WDFY4: variants seen among roughly 807,000 people sequenced by gnomAD.
WDFY4 encodes the protein WDFY family member 4, also known as WD repeat- and FYVE domain-containing protein 4.
WDFY4 carries 169 observed loss-of-function variants against 351.9 expected under a neutral mutation model. That is an observed-to-expected ratio of 0.48 (90% CI 0.42 to 0.55). The LOEUF (loss-of-function observed/expected upper bound fraction) is 0.55. WDFY4 is among the 20% of genes least tolerant of loss of function. The pLI, the probability that WDFY4 is intolerant of heterozygous loss-of-function variation, is 0.00. For synonymous variants in WDFY4, 1,622 were observed against 1,574.6 expected, an observed-to-expected ratio of 1.03 and a Z score of -0.71; for missense variants, 3,803 against 3,935.6, an observed-to-expected ratio of 0.97 and a Z score of 0.90.
At chr10:48,846,634 G>T (rs527952816) in intron 39 of WDFY4, among the ~76,000 whole-genome samples, 1 of 152,364 alleles carries the variant, frequency 6.6e-6, no homozygotes. Flanking sequence ...CTAAAGGAGG[G>T]AGAAATGTTG....
intron 1 of WDFY4, among the ~76,000 whole-genome samples, chr10:48,700,329 C>T (rs1384364000): frequency 1.3e-5 from 2 of 152,238 alleles, no homozygotes; most frequent in African/African-American, 4.8e-5. Flanking sequence ...CCCTTTACCA[C>T]ATCCTGCAGG....
intron 39 of WDFY4, among the ~76,000 whole-genome samples, chr10:48,839,082 A>G (rs1222700262): frequency 6.6e-6 from 1 of 152,226 alleles, no homozygotes; most frequent in Admixed American, 6.5e-5. Flanking sequence ...GGAGCTGAGC[A>G]GCACTCCAGG....
intron 39 of WDFY4, among the ~76,000 whole-genome samples, chr10:48,845,392 T>G (rs551902598): frequency 6.6e-6 from 1 of 152,242 alleles, no homozygotes; most frequent in South Asian, 2.1e-4. Context: ...GGAATACTGA[T>G]GAAAAAGGGC....
At chr10:48,915,836 C>G (rs1270825830) in intron 47 of WDFY4, among the ~76,000 whole-genome samples, 2 of 152,138 alleles carry the variant, frequency 1.3e-5, no homozygotes, top group East Asian at 3.9e-4. Flanking sequence ...TTTACACAGG[C>G]CTTGTAAGCT....
In WDFY4 at chr10:48,771,655, G is replaced by A. The variant is rs761808922; in HGVS notation, c.2554-2803G>A. On this transcript the variant is annotated intron_variant, in intron 13 of 61. Transcript: ENST00000325239. ...AGAGGCTGCAGGGACCACCCCATCT[G>A]CTGTGCTCGATGTTGTAAATTCTCT... Among the ~76,000 whole-genome samples the A allele has an allele frequency of 8.5e-5, 13 of 152,194 alleles. 1 individual carries two copies. The highest frequency in any genetic ancestry group is 1.4e-4 in the African/African-American group (6 of 41,436).
At chr10:48,953,793 C>T (rs1841458293) in intron 51 of WDFY4, among the ~76,000 whole-genome samples, 3 of 152,192 alleles carry the variant, frequency 2.0e-5, no homozygotes, top group Admixed American at 2.0e-4. Flanking sequence ...TCAGCATGTG[C>T]AGTTACTGAA....
chr10:48,830,789 G>C lies in WDFY4; in HGVS notation c.6430G>C (p.Asp2144His), dbSNP rs200617140. 2 of 1,551,658 alleles carry C rather than the reference G, an allele frequency of 1.3e-6. No homozygotes were observed. Among genetic ancestry groups the C allele is most frequent in the Non-Finnish European group, 1.7e-6 (2 of 1,146,948 alleles). Residue 2144 changes from aspartate (D) to histidine (H), a missense_variant, in exon 38 of 62, where the codon GAT (aspartate) becomes CAT (histidine). By Grantham distance (81) the Asp-to-His change is moderately conservative (BLOSUM62 -1). This residue lies in a region of WDFY4 where 3,054 missense variants were observed against 3,148.6 expected (regional missense o/e 0.97). Transcript: ENST00000325239. ...GACCCTGGAGGATGCCTTCAAGATC[G>C]ATCTCTCTGTGAAACCTGGAGAGAG... is the stretch of plus-strand genomic sequence containing the variant. ...QQTLEDAFKIDLSVKPGEREV... is the reference protein window; with the variant it reads ...QQTLEDAFKIHLSVKPGEREV...
chr10:48,784,943 C>T (rs977112320), intron 19 of WDFY4, among the ~76,000 whole-genome samples: 19 of 148,872 alleles, frequency 1.3e-4, no homozygotes, highest in African/African-American at 4.0e-4. Flanking sequence ...CTATAAGCTC[C>T]GCCTCCTGGG....
At chr10:48,947,209 A>G (rs1354481431) in intron 51 of WDFY4, among the ~76,000 whole-genome samples, 2 of 152,218 alleles carry the variant, frequency 1.3e-5, no homozygotes, top group African/African-American at 4.8e-5. Flanking sequence ...AAATGATTCT[A>G]AAAAATAAGA....
intron 7 of WDFY4, among the ~76,000 whole-genome samples, chr10:48,728,306 G>A (rs142422437): frequency 5.3e-5 from 8 of 152,220 alleles, no homozygotes; most frequent in Admixed American, 4.6e-4. Context: ...AGCAGGGCCT[G>A]GGCTGGCTCC....
chr10:48,777,281 C>A, intron 16 of WDFY4, 138 bp from the exon 17 acceptor site: 2 of 866,400 alleles, frequency 2.3e-6, no homozygotes, highest in Non-Finnish European at 1.8e-6. Context: ...GCAGTCCATC[C>A]TTGGGACCTT....
chr10:48,970,330 C>T (rs1405450108), intron 57 of WDFY4, 41 bp downstream of exon 57: 35 of 1,539,892 alleles, frequency 2.3e-5, no homozygotes, highest in Non-Finnish European at 2.9e-5. Flanking sequence ...CAGGTGGGGA[C>T]AGTACTTCAT....
chr10:48,725,750 G>A, intron 5 of WDFY4, 131 bp from the exon 6 acceptor site: 11 of 987,756 alleles, frequency 1.1e-5, no homozygotes, highest in Non-Finnish European at 1.6e-5. Flanking sequence ...GACAGAGGGT[G>A]ACCCCATTCA....
In WDFY4 at chr10:48,776,648, A is replaced by G; in HGVS notation, c.2864-102A>G. The G allele has an allele frequency of 2.5e-6, 3 of 1,211,302 alleles. No individual in the cohort carries two copies. In the South Asian group the frequency reaches 4.8e-5, roughly 19 times the overall value. The allele number at this position is 1,211,302 out of a possible 1,614,324, so 75.0% of individuals were successfully genotyped here. A position where few individuals can be genotyped will look rare whatever the true frequency, so the allele number is the denominator to read the frequency against. On this transcript the variant is annotated intron_variant, in intron 15 of 61. Transcript: ENST00000325239. Reference sequence around the variant, plus strand: ...AGGAAGTACCTGGTGACTGTGCGAAACTCTCTTTCTGGGCTGCGGCAGATA... The same window carrying G: ...AGGAAGTACCTGGTGACTGTGCGAAGCTCTCTTTCTGGGCTGCGGCAGATA...
At chr10:48,776,648 ACT>A (rs2066040093) in intron 15 of WDFY4, 100 bp from the exon 16 acceptor site, 1 of 1,211,182 alleles carries the variant, frequency 8.3e-7, no homozygotes, top group Admixed American at 2.9e-5. Flanking sequence ...ACTGTGCGAA[ACT>A]CTCTTTCTGG....
chr10:48,788,695 T>C lies in WDFY4; in HGVS notation c.3954+20T>C. On this transcript the variant is annotated intron_variant, in intron 21 of 61. Coordinates refer to ENST00000325239, the MANE Select transcript of WDFY4 (RefSeq NM_001394531.1). ...AAAGAGGTACATCTTCTAACTTCGCTGCTAATCTCTGTTGGAATCTGGTTT... is the reference window on the plus strand; with the variant it reads ...AAAGAGGTACATCTTCTAACTTCGCCGCTAATCTCTGTTGGAATCTGGTTT... 1 of 1,550,562 alleles carries C rather than the reference T, an allele frequency of 6.4e-7. No individual in the cohort carries two copies. The highest frequency in any genetic ancestry group is 8.7e-7 in the Non-Finnish European group (1 of 1,146,086).
chr10:48,980,333 A>G (rs1466848289), intron 60 of WDFY4, among the ~76,000 whole-genome samples: 2 of 152,184 alleles, frequency 1.3e-5, no homozygotes, highest in African/African-American at 4.8e-5. Flanking sequence ...AGGGACCTGT[A>G]TTGGGCATGG....
At chr10:48,881,024 C>A (rs73294614) in intron 43 of WDFY4, among the ~76,000 whole-genome samples, 5,283 of 152,302 alleles carry the variant, frequency 0.035, 312 homozygotes, top group African/African-American at 0.12. Context: ...ATTCCCCAGC[C>A]TCCTTTCTGT....
chr10:48,963,976 C>T lies in WDFY4; in HGVS notation c.8358C>T (p.Asp2786=). The T allele has an allele frequency of 6.4e-7, 1 of 1,550,900 alleles. No individual in the cohort carries two copies. The highest frequency in any genetic ancestry group is 8.7e-7 in the Non-Finnish European group (1 of 1,146,992). The stretch of plus-strand genomic sequence containing the variant: ...CCTACTTCTACGGTGACAGAATGGA[C>T]CTCAGCAGCATCACTGACCCCCTCA... ...FHPYFYGDRM[D]LSSITDPLIK... Residue 2786 remains aspartate, a synonymous_variant, in exon 54 of 62, where the codon GAC becomes GAT. Transcript: ENST00000325239.
Sources: gnomAD v4.1 joint callset for allele counts (sites outside exome capture counted in the v4.1 genomes callset) on GRCh38, gnomAD v4.1.1 for gene constraint, gnomAD v4.1.1 regional missense constraint, MANE v1.5 for transcripts, NCBI Gene and HGNC (gene_info 2026-07-23, HGNC 2026-07-21) for gene names.